ERCC4: variants seen among roughly 807,000 people sequenced by gnomAD.
ERCC4 encodes the protein DNA repair endonuclease XPF.
Under a neutral mutation model 76.9 loss-of-function variants are expected in ERCC4, and 65 were observed. That is an observed-to-expected ratio of 0.84 (90% CI 0.69 to 1.04). The LOEUF is 1.04. Ranked by LOEUF, ERCC4 falls within the 50% of genes least tolerant of loss-of-function variation. The pLI is 0.00. For missense variants in ERCC4, 1,214 were observed against 1,128.2 expected (o/e 1.08, Z -1.09); for synonymous variants, 463 against 410.1 (o/e 1.13, Z -1.56).
Position 13,934,196 on chromosome 16 carries a change from A to T in ERCC4, c.1107A>T (p.Thr369=), listed in dbSNP as rs749724323. The T allele has an allele frequency of 6.2e-7, 1 of 1,602,302 alleles. No homozygotes were observed. Among genetic ancestry groups the T allele is most frequent in the East Asian group, 2.2e-5 (1 of 44,786 alleles). Residue 369 remains threonine (T), a synonymous_variant, in exon 7 of 11, where the codon ACA becomes ACT. Coordinates refer to ENST00000311895, the MANE Select transcript of ERCC4 (RefSeq NM_005236.3). ...EKMEIKEGEE[T]KKELVLESNP... ...GATATTTTTATTTCTCTACAGAAAC[A>T]AAAAAGGAACTGGTCCTAGAAAGCA...
At position 13,920,185 on chromosome 16, in the gene ERCC4, C is replaced by T. The variant is rs1319883296; in HGVS notation, c.20C>T (p.Ala7Val). The T allele has an allele frequency of 1.9e-6, 3 of 1,606,164 alleles. No homozygotes were observed. The highest frequency in any genetic ancestry group is 1.7e-6 in the Non-Finnish European group (2 of 1,179,860). ...GCTTCCATGGAGTCAGGGCAGCCGGCTCGACGGATTGCCATGGCGCCGCTG... is the reference window on the plus strand; with the variant it reads ...GCTTCCATGGAGTCAGGGCAGCCGGTTCGACGGATTGCCATGGCGCCGCTG... MESGQP[A>V]RRIAMAPLLE... The change falls in exon 1 of 11, where the codon GCT (alanine) becomes GTT (valine). Residue 7 changes from alanine to valine, a missense_variant. By Grantham distance (64) the Ala-to-Val change is moderately conservative. Coordinates refer to ENST00000311895, the MANE Select transcript of ERCC4 (RefSeq NM_005236.3).
chr16:13,924,412 T>C (rs772072162), intron 2 of ERCC4, among the ~76,000 whole-genome samples: 2 of 152,232 alleles, frequency 1.3e-5, no homozygotes, highest in Non-Finnish European at 2.9e-5. Flanking sequence ...GAACACACTT[T>C]CTGGGAAATA....
rs1404391043 is a variant in ERCC4 at position 13,951,792 on chromosome 16, A to G, written c.*3445A>G. ...TGGTCTTTCCTTTTGTTTTGCAAGC[A>G]TAATTTGATTTTCCTTTGGCTCAGA... On this transcript the variant is annotated 3_prime_UTR_variant, in exon 11 of 11. Coordinates refer to ENST00000311895, the MANE Select transcript of ERCC4 (RefSeq NM_005236.3). 1 of 222,026 alleles carries G rather than the reference A, an allele frequency of 4.5e-6. No homozygotes were observed. Among genetic ancestry groups the G allele is most frequent in the Non-Finnish European group, 9.0e-6 (1 of 111,120 alleles). 13.8% of individuals were successfully genotyped at this position (222,026 alleles called of 1,614,324 possible). A position where few individuals can be genotyped will look rare whatever the true frequency, so the allele number is the denominator to read the frequency against.
In ERCC4 at chr16:13,926,681, C is replaced by A; in HGVS notation, c.509C>A (p.Ala170Asp). 6.2e-7 allele frequency: 1 copy of A among 1,614,000 alleles called. No homozygotes were observed. The highest frequency in any genetic ancestry group is 8.5e-7 in the Non-Finnish European group (1 of 1,179,932). Residue 170 changes from alanine to aspartate, a missense_variant, in exon 3 of 11, where the codon GCC becomes GAC. Coordinates refer to ENST00000311895, the MANE Select transcript of ERCC4 (RefSeq NM_005236.3). ...AAAGCTTTCACAGACAATGCTGTTG[C>A]CTTTGATACTGGTTTTTGTCATGTG... ...FIKAFTDNAVAFDTGFCHVER... is the reference protein window; with the variant it reads ...FIKAFTDNAVDFDTGFCHVER...
intron 7 of ERCC4, chr16:13,934,833 G>C (rs1194016783): frequency 1.1e-5 from 3 of 284,504 alleles, no homozygotes; most frequent in Non-Finnish European, 2.0e-5. Flanking sequence ...AATTAATTTA[G>C]GCATATATGA....
intron 1 of ERCC4, among the ~76,000 whole-genome samples, chr16:13,921,252 A>G (rs1269744173): frequency 6.6e-6 from 1 of 152,148 alleles, no homozygotes; most frequent in East Asian, 1.9e-4. Flanking sequence ...TCAGAAAGGG[A>G]TTGGAGCTTG....
intron 9 of ERCC4, among the ~76,000 whole-genome samples, chr16:13,939,270 G>C (rs959976485): frequency 7.7e-4 from 117 of 152,256 alleles, no homozygotes; most frequent in African/African-American, 2.5e-3. Context: ...CATCTGGTAT[G>C]TGCCAGGCCC....
In ERCC4 at chr16:13,920,377, G is replaced by A. The variant is rs766355378; in HGVS notation, c.207+5G>A. 1.9e-6 allele frequency: 3 copies of A among 1,561,878 alleles called. No individual in the cohort carries two copies. The highest frequency in any genetic ancestry group is 2.3e-5 in the South Asian group (2 of 87,048). On this transcript the variant is annotated splice_donor_5th_base_variant and intron_variant, in intron 1 of 10. Coordinates refer to ENST00000311895, the MANE Select transcript of ERCC4 (RefSeq NM_005236.3). ...AACACGCAGCCGGCCGAGGAGGTGC[G>A]GCCGCGCTGGCGCGGGAGTGAGGGG... is the stretch of plus-strand genomic sequence containing the variant.
In ERCC4 at chr16:13,947,720, C is replaced by T. The variant is rs376391395; in HGVS notation, c.2124C>T (p.Pro708=). 49 of 1,614,092 alleles carry T rather than the reference C, an allele frequency of 3.0e-5. No individual in the cohort carries two copies. Among genetic ancestry groups the T allele is most frequent in the Non-Finnish European group, 4.0e-5 (47 of 1,180,040 alleles). Residue 708 remains proline, a synonymous_variant, in exon 11 of 11, where the codon CCC becomes CCT. Coordinates refer to ENST00000311895, the MANE Select transcript of ERCC4 (RefSeq NM_005236.3). The part of the protein sequence containing the change: ...LIHRRGIDIE[P]VTLEVGDYIL... Reference sequence around the variant, plus strand: ...ATCGTCGGGGCATTGACATTGAACCCGTGACTTTAGAGGTTGGAGATTACA... The same window carrying T: ...ATCGTCGGGGCATTGACATTGAACCTGTGACTTTAGAGGTTGGAGATTACA...
chr16:13,951,418 T>C lies in ERCC4; in HGVS notation c.*3071T>C, dbSNP rs886051680. 2 of 202,664 alleles carry C rather than the reference T, an allele frequency of 9.9e-6. No homozygotes were observed. The highest frequency in any genetic ancestry group is 4.6e-5 in the African/African-American group (2 of 43,700). The allele number at this position is 202,664 out of a possible 1,614,324, so 12.6% of individuals were successfully genotyped here. On this transcript the variant is annotated 3_prime_UTR_variant, in exon 11 of 11. Coordinates refer to ENST00000311895, the MANE Select transcript of ERCC4 (RefSeq NM_005236.3). ...ATATTGTGAGAAATCATTTTAAGTT[T>C]CATTTAAATCATGGTGCCTCTTTTG...
intron 9 of ERCC4, among the ~76,000 whole-genome samples, chr16:13,938,463 G>A (rs2032349433): frequency 6.6e-6 from 1 of 152,218 alleles, no homozygotes; most frequent in Non-Finnish European, 1.5e-5. Context: ...TTCACAAACT[G>A]GTTGGCTACC....
intron 2 of ERCC4, among the ~76,000 whole-genome samples, chr16:13,924,672 T>G (rs2032040491): frequency 6.6e-6 from 1 of 152,210 alleles, no homozygotes; most frequent in Admixed American, 6.5e-5. Context: ...CTCAGCTTAC[T>G]CACCCGTACA....
Position 13,935,687 on chromosome 16 carries a change from A to T in ERCC4, c.1755A>T (p.Leu585=). Residue 585 remains leucine (L), a synonymous_variant, in exon 8 of 11, where the codon CTA becomes CTT. Coordinates refer to ENST00000311895, the MANE Select transcript of ERCC4 (RefSeq NM_005236.3). The part of the protein sequence containing the change: ...PRYVVLYDAE[L]TFVRQLEIYR... ...ACGTGGTTCTTTATGACGCAGAGCTAACCTTTGTTCGGCAGCTTGAAATTT... is the reference window on the plus strand; with the variant it reads ...ACGTGGTTCTTTATGACGCAGAGCTTACCTTTGTTCGGCAGCTTGAAATTT... The T allele has an allele frequency of 6.2e-7, 1 of 1,614,192 alleles. No homozygotes were observed. Among genetic ancestry groups the T allele is most frequent in the Admixed American group, 1.7e-5 (1 of 60,022 alleles).
At chr16:13,944,864 C>A in intron 10 of ERCC4, 29 bp downstream of exon 10, 1 of 1,356,586 alleles carries the variant, frequency 7.4e-7, no homozygotes, top group Non-Finnish European at 1.1e-6. Flanking sequence ...CAGGCACCTC[C>A]ATTGCCTGCA....
chr16:13,934,721 T>C, intron 7 of ERCC4: 1 of 235,830 alleles, frequency 4.2e-6, no homozygotes, highest in East Asian at 1.0e-4. Flanking sequence ...GCCTCAACTC[T>C]TCTATTACTT....
At chr16:13,944,596 T>C in intron 9 of ERCC4, 127 bp from the exon 10 acceptor site, 1 of 703,434 alleles carries the variant, frequency 1.4e-6, no homozygotes, top group Non-Finnish European at 2.6e-6. Context: ...ATATTCCTTG[T>C]TTTTGTTTTT....
chr16:13,932,495 G>A (rs2032192639), intron 6 of ERCC4: 1 of 600,876 alleles, frequency 1.7e-6, no homozygotes, highest in East Asian at 2.8e-5. Flanking sequence ...ATACAGCATG[G>A]CAAGTCTTGC....
At position 13,920,761 on chromosome 16, in the gene ERCC4, A is replaced by G. The variant is rs374935415; in HGVS notation, c.207+389A>G. ...CCAAGAAGGATGCAAGTCTTTGACC[A>G]GAGTTCAAGAACACTAAGAGAAATG... is the stretch of plus-strand genomic sequence containing the variant. On this transcript the variant is annotated intron_variant, in intron 1 of 10. Transcript: ENST00000311895. Among the ~76,000 whole-genome samples, 8 of 151,978 alleles carry G rather than the reference A, an allele frequency of 5.3e-5. No homozygotes were observed. In the East Asian group the frequency reaches 1.4e-3, roughly 26 times the overall value.
chr16:13,948,066 G>A lies in ERCC4; in HGVS notation c.2470G>A (p.Asp824Asn). The A allele has an allele frequency of 6.2e-7, 1 of 1,614,150 alleles. No homozygotes were observed. Among genetic ancestry groups the A allele is most frequent in the Non-Finnish European group, 8.5e-7 (1 of 1,180,036 alleles). The stretch of plus-strand genomic sequence containing the variant: ...GCTGAAACAAAGCAAGCCACAGCCT[G>A]ATGCGGCGACAGCACTGGCCATTAC... ...EELKQSKPQP[D>N]AATALAITAD... The change falls in exon 11 of 11, where the codon GAT (aspartate) becomes AAT (asparagine). Residue 824 changes from aspartate to asparagine, a missense_variant. Physicochemically the swap from Asp to Asn is conservative, Grantham distance 23 (BLOSUM62 1). Transcript: ENST00000311895.
Sources: allele counts gnomAD v4.1 joint callset (sites outside exome capture counted in the v4.1 genomes callset), GRCh38; gene constraint gnomAD v4.1.1; transcripts MANE v1.5; gene names NCBI Gene and HGNC (gene_info 2026-07-23, HGNC 2026-07-21).